The following CHN2 variants were observed in gnomAD, a reference collection of about 807,000 sequenced individuals.
CHN2 encodes the protein beta-chimaerin.
Under a neutral mutation model 56.3 loss-of-function variants are expected in CHN2, and 35 were observed. The observed-to-expected ratio is 0.62, with a 90% confidence interval of 0.47 to 0.82. The LOEUF (loss-of-function observed/expected upper bound fraction) is 0.82, where lower values mean the gene tolerates loss of function less well. CHN2 is among the 40% of genes least tolerant of loss of function. The pLI, the probability that CHN2 is intolerant of heterozygous loss-of-function variation, is 0.00. For synonymous variants in CHN2, 210 were observed against 212.8 expected (o/e 0.99, Z 0.12); for missense variants, 491 against 580.5 (o/e 0.85, Z 1.58).
intron 2 of CHN2, among the ~76,000 whole-genome samples, chr7:29,354,925 A>G (rs1351083407): frequency 7.7e-6 from 1 of 130,026 alleles, no homozygotes; most frequent in African/African-American, 2.8e-5. Context: ...TCTGCCTTTC[A>G]GTTTGGGGCT....
intron 1 of CHN2, among the ~76,000 whole-genome samples, chr7:29,305,752 T>C (rs1393870730): frequency 1.4e-5 from 2 of 147,428 alleles, no homozygotes; most frequent in Non-Finnish European, 3.0e-5. Context: ...CTATTTCATA[T>C]GTAAATCTTT....
chr7:29,266,572 A>G (rs1790162211), intron 1 of CHN2, among the ~76,000 whole-genome samples: 1 of 152,170 alleles, frequency 6.6e-6, no homozygotes, highest in Non-Finnish European at 1.5e-5. Flanking sequence ...TTCAAGTGTT[A>G]AATGCATTAT....
At chr7:29,376,747 G>T (rs28430863) in intron 3 of CHN2, among the ~76,000 whole-genome samples, 4 of 152,092 alleles carry the variant, frequency 2.6e-5, no homozygotes, top group African/African-American at 9.7e-5. Flanking sequence ...GGCACCCATA[G>T]CCTTCCTTAT....
chr7:29,315,727 C>T (rs773462417), intron 1 of CHN2, among the ~76,000 whole-genome samples: 1 of 151,884 alleles, frequency 6.6e-6, no homozygotes, highest in East Asian at 1.9e-4. Context: ...TGCTGGGTAC[C>T]GTTCTAGGTG....
intron 1 of CHN2, among the ~76,000 whole-genome samples, chr7:29,267,698 G>A (rs1336165302): frequency 6.6e-6 from 1 of 152,170 alleles, no homozygotes; most frequent in African/African-American, 2.4e-5. Flanking sequence ...ATGTCAATGT[G>A]TCCCTGTTGT....
At chr7:29,299,069 G>C (rs781391937) in intron 1 of CHN2, among the ~76,000 whole-genome samples, 38 of 152,196 alleles carry the variant, frequency 2.5e-4, no homozygotes, top group African/African-American at 8.9e-4. Flanking sequence ...TCCGCAGAGC[G>C]AGAGTCCTGC....
At chr7:29,333,582 G>A (rs1032749716) in intron 1 of CHN2, among the ~76,000 whole-genome samples, 1 of 152,238 alleles carries the variant, frequency 6.6e-6, no homozygotes, top group African/African-American at 2.4e-5. Flanking sequence ...AAGCAGGTTG[G>A]ATGAACATAA....
intron 2 of CHN2, among the ~76,000 whole-genome samples, chr7:29,171,428 A>G (rs1445414683): frequency 4.6e-5 from 7 of 152,154 alleles, no homozygotes; most frequent in Admixed American, 4.6e-4. Context: ...TTCAAGCTGA[A>G]CTTGTTAGAA....
At chr7:29,458,312 A>G (rs1040508961) in intron 6 of CHN2, among the ~76,000 whole-genome samples, 7 of 152,050 alleles carry the variant, frequency 4.6e-5, no homozygotes, top group Non-Finnish European at 1.0e-4. Context: ...GACAAGTTAT[A>G]CAACTAGATC....
At chr7:29,279,486 G>T (rs1460476713) in intron 1 of CHN2, among the ~76,000 whole-genome samples, 2 of 152,254 alleles carry the variant, frequency 1.3e-5, no homozygotes, top group African/African-American at 4.8e-5. Flanking sequence ...TGTTCCACAT[G>T]TTGGGAATAC....
chr7:29,172,855 G>A (rs542476121), intron 2 of CHN2, among the ~76,000 whole-genome samples: 1 of 151,994 alleles, frequency 6.6e-6, no homozygotes, highest in East Asian at 1.9e-4. Flanking sequence ...AAAAATGCTG[G>A]ATAAGGCCGA....
chr7:29,386,389 T>C (rs1403400266), intron 3 of CHN2, among the ~76,000 whole-genome samples: 1 of 152,208 alleles, frequency 6.6e-6, no homozygotes, highest in Non-Finnish European at 1.5e-5. Context: ...TCCGGCAATC[T>C]AGCTGCCCTG....
At chr7:29,347,277 C>G (rs1470832124) in intron 1 of CHN2, among the ~76,000 whole-genome samples, 1 of 152,176 alleles carries the variant, frequency 6.6e-6, no homozygotes, top group Non-Finnish European at 1.5e-5. Context: ...AGACCCTTCA[C>G]CCAGCAGTTC....
At chr7:29,229,731 T>G (rs1786515568) in intron 1 of CHN2, among the ~76,000 whole-genome samples, 1 of 152,190 alleles carries the variant, frequency 6.6e-6, no homozygotes, top group Non-Finnish European at 1.5e-5. Flanking sequence ...GCCTGTAATA[T>G]TAACTCTTCT....
At position 29,352,205 on chromosome 7, in the gene CHN2, C is replaced by T. The variant is rs138859455; in HGVS notation, c.50-2420C>T. The stretch of plus-strand genomic sequence containing the variant: ...AGACCTTCCCCGAGTATATAGAAGG[C>T]GGTGCTCTAGATACTGAACTTGCTT... On this transcript the variant is annotated intron_variant, in intron 1 of 12. Coordinates refer to ENST00000222792, the MANE Select transcript of CHN2 (RefSeq NM_004067.4). Among the ~76,000 whole-genome samples, 14 of 152,246 alleles carry T rather than the reference C, an allele frequency of 9.2e-5. No individual in the cohort carries two copies. The East Asian group carries it at 1.5e-3, about 17-fold the overall frequency.
At chr7:29,309,319 A>C (rs993184180) in intron 1 of CHN2, among the ~76,000 whole-genome samples, 1 of 152,068 alleles carries the variant, frequency 6.6e-6, no homozygotes, top group Admixed American at 6.6e-5. Context: ...TGCTCTCCTT[A>C]TTTGGGTTGA....
At chr7:29,175,409 C>T (rs144324558) in intron 2 of CHN2, among the ~76,000 whole-genome samples, 14 of 152,166 alleles carry the variant, frequency 9.2e-5, no homozygotes, top group Admixed American at 2.6e-4. Context: ...CTCCAGACTT[C>T]GGGTTTTCTG....
intron 6 of CHN2, among the ~76,000 whole-genome samples, chr7:29,459,479 C>T (rs1784994087): frequency 1.3e-5 from 2 of 152,150 alleles, no homozygotes; most frequent in African/African-American, 4.8e-5. Flanking sequence ...GCTCGCCTCC[C>T]CTGCAGGTTG....
intron 1 of CHN2, among the ~76,000 whole-genome samples, chr7:29,263,067 C>T (rs1480963798): frequency 1.3e-5 from 2 of 152,206 alleles, no homozygotes; most frequent in Non-Finnish European, 2.9e-5. Context: ...CATGGTCTCC[C>T]TCTGATGCCG....
Sources: allele counts gnomAD v4.1 joint callset (sites outside exome capture counted in the v4.1 genomes callset), GRCh38; gene constraint gnomAD v4.1.1; transcripts MANE v1.5; gene names NCBI Gene and HGNC (gene_info 2026-07-23, HGNC 2026-07-21).